GTF2IRD1: variants seen among roughly 807,000 people sequenced by gnomAD.
GTF2IRD1 encodes GTF2I repeat domain containing 1.
GTF2IRD1 carries 26 observed loss-of-function variants against 113.2 expected under a neutral mutation model. The ratio of observed to expected loss-of-function variants is 0.23; its 90% CI spans 0.17 to 0.32. The LOEUF (loss-of-function observed/expected upper bound fraction) is 0.32. GTF2IRD1 is among the 10% of genes least tolerant of loss of function. GTF2IRD1 has a pLI of 1.00. For missense variants in GTF2IRD1, 864 were observed against 1,280.8 expected, an observed-to-expected ratio of 0.67 and a Z score of 4.97; for synonymous variants, 484 against 529.1, an observed-to-expected ratio of 0.91 and a Z score of 1.17.
At chr7:74,521,611 A>AAATT (rs1232334708) in intron 7 of GTF2IRD1, among the ~76,000 whole-genome samples, 1 of 152,004 alleles carries the variant, frequency 6.6e-6, no homozygotes, top group Non-Finnish European at 1.5e-5. Context: ...AAAATAAGAA[A>AAATT]AATTAGTGGA....
Position 74,512,779 on chromosome 7 carries a change from T to A in GTF2IRD1, c.124-51T>A. The stretch of plus-strand genomic sequence containing the variant: ...CCACCCCCGAAGTGGATACTAGAGG[T>A]GTTCGGAGTATGGGGAGCCCTTCCG... On this transcript the variant is annotated intron_variant, in intron 2 of 26. Coordinates refer to ENST00000424337, the MANE Select transcript of GTF2IRD1 (RefSeq NM_005685.4). This position sits in a 1 kb window ranked among gnomAD's most constrained non-coding sequence, Gnocchi z 4.4. The A allele has an allele frequency of 6.3e-7, 1 of 1,583,046 alleles. No homozygotes were observed. Among genetic ancestry groups the A allele is most frequent in the Non-Finnish European group, 8.6e-7 (1 of 1,159,350 alleles).
intron 26 of GTF2IRD1, 113 bp downstream of exon 26, chr7:74,601,293 T>C: frequency 6.5e-7 from 1 of 1,547,204 alleles, no homozygotes; most frequent in Non-Finnish European, 8.7e-7. Flanking sequence ...GGCACTGGGC[T>C]TTGAGTGGGG....
At chr7:74,532,052 T>C (rs1797990833) in intron 9 of GTF2IRD1, among the ~76,000 whole-genome samples, 1 of 152,176 alleles carries the variant, frequency 6.6e-6, no homozygotes, top group Non-Finnish European at 1.5e-5. Flanking sequence ...AACTCAGAAC[T>C]GTGCTTAGAG....
At position 74,579,385 on chromosome 7, in the gene GTF2IRD1, A is replaced by C. The variant is rs1171562217; in HGVS notation, c.2321-10466A>C. ...GTAATCCCAGCACTTTGGGAGACCGAGGCAGGCGGATCACCTGAGGTCAGG... is the reference window on the plus strand; with the variant it reads ...GTAATCCCAGCACTTTGGGAGACCGCGGCAGGCGGATCACCTGAGGTCAGG... On this transcript the variant is annotated intron_variant, in intron 22 of 26. Coordinates refer to ENST00000424337, the MANE Select transcript of GTF2IRD1 (RefSeq NM_005685.4). Among the ~76,000 whole-genome samples the C allele has an allele frequency of 3.3e-5, 5 of 152,168 alleles. No homozygotes were observed. In the East Asian group the frequency reaches 9.6e-4, roughly 29 times the overall value.
rs138769151 is a variant in GTF2IRD1, at chr7:74,517,025, G to GTTGT, written c.422-1112_422-1109dup. ...CTTTGTTGTTGTTGTTGTTGTTGTT[G>GTTGT]TTGTTGTTGTTGTTTTGAGATGAAG... On this transcript the variant is annotated intron_variant, in intron 4 of 26. Transcript: ENST00000424337. Among the ~76,000 whole-genome samples, 240 of 150,716 alleles carry GTTGT rather than the reference G, an allele frequency of 1.6e-3. 1 individual carries two copies. Among genetic ancestry groups the GTTGT allele is most frequent in the Non-Finnish European group, 2.4e-3 (164 of 67,626 alleles).
intron 22 of GTF2IRD1, among the ~76,000 whole-genome samples, chr7:74,584,587 T>A (rs1453427385): frequency 6.6e-6 from 1 of 152,176 alleles, no homozygotes; most frequent in Non-Finnish European, 1.5e-5. Context: ...GAGCAATGAT[T>A]TCTATTCTTA....
chr7:74,478,519 G>A (rs1238537356), intron 1 of GTF2IRD1, among the ~76,000 whole-genome samples: 3 of 152,118 alleles, frequency 2.0e-5, no homozygotes, highest in Admixed American at 2.0e-4. Context: ...GCAGTGGTGC[G>A]ATCATAGCTC....
intron 1 of GTF2IRD1, among the ~76,000 whole-genome samples, chr7:74,502,584 A>G (rs1020022242): frequency 2.0e-5 from 3 of 152,242 alleles, no homozygotes; most frequent in Admixed American, 6.5e-5. Context: ...CCGGACTTCT[A>G]TGGGGGTCCC....
chr7:74,485,947 A>G (rs1794998783), intron 1 of GTF2IRD1, among the ~76,000 whole-genome samples: 1 of 151,800 alleles, frequency 6.6e-6, no homozygotes, highest in African/African-American at 2.4e-5. Flanking sequence ...AAGAAGAAAG[A>G]AAAGAAAATG....
chr7:74,601,549 G>A (rs1339096789), intron 26 of GTF2IRD1: 3 of 1,205,348 alleles, frequency 2.5e-6, no homozygotes, highest in Non-Finnish European at 3.3e-6. Context: ...AAGTCGGGTG[G>A]ATCACCTGAG....
intron 22 of GTF2IRD1, among the ~76,000 whole-genome samples, chr7:74,562,708 T>C (rs1292062967): frequency 3.3e-5 from 5 of 151,842 alleles, no homozygotes; most frequent in Non-Finnish European, 7.4e-5. Context: ...GCTGAGATTA[T>C]AGGCGTGTGC....
intron 1 of GTF2IRD1, among the ~76,000 whole-genome samples, chr7:74,456,856 G>T (rs1793012557): frequency 6.6e-6 from 1 of 152,004 alleles, no homozygotes; most frequent in Non-Finnish European, 1.5e-5. Context: ...AGGGTAGGGG[G>T]TCAGGATTAT....
At chr7:74,554,693 C>G (rs1448848567) in intron 17 of GTF2IRD1, among the ~76,000 whole-genome samples, 1 of 152,132 alleles carries the variant, frequency 6.6e-6, no homozygotes, top group Non-Finnish European at 1.5e-5. Flanking sequence ...CACCTGCCAC[C>G]ACACCTGGCT....
Position 74,555,357 on chromosome 7 carries a change from T to C in GTF2IRD1, c.1967-81T>C, listed in dbSNP as rs1799529665. On this transcript the variant is annotated intron_variant, in intron 18 of 26. Coordinates refer to ENST00000424337, the MANE Select transcript of GTF2IRD1 (RefSeq NM_005685.4). The surrounding 1 kb of genome is among the most constrained non-coding windows in gnomAD (Gnocchi z 5.3). Reference sequence around the variant, plus strand: ...CTGGCATTCTCCCCACACCCCCACATTGGGTTTCCCCTAACGATGCCATCT... The same window carrying C: ...CTGGCATTCTCCCCACACCCCCACACTGGGTTTCCCCTAACGATGCCATCT... 6.7e-7 allele frequency: 1 copy of C among 1,499,902 alleles called. No individual in the cohort carries two copies. The highest frequency in any genetic ancestry group is 9.3e-7 in the Non-Finnish European group (1 of 1,076,492). 92.9% of individuals were successfully genotyped at this position (1,499,902 alleles called of 1,614,324 possible).
Position 74,509,095 on chromosome 7 carries a change from G to A in GTF2IRD1, c.123+892G>A, listed in dbSNP as rs1440442888. On this transcript the variant is annotated intron_variant, in intron 2 of 26. Transcript: ENST00000424337. ...AATCTGGCCCAGCACGGTGGCTCAC[G>A]CAAGTAATCCCAGCACTTTTAGGGG... Among the ~76,000 whole-genome samples, 4 of 152,052 alleles carry A rather than the reference G, an allele frequency of 2.6e-5. No individual in the cohort carries two copies. The South Asian group carries it at 6.2e-4, about 24-fold the overall frequency.
intron 1 of GTF2IRD1, among the ~76,000 whole-genome samples, chr7:74,454,477 G>C (rs916251669): frequency 6.6e-6 from 1 of 152,094 alleles, no homozygotes; most frequent in Non-Finnish European, 1.5e-5. Flanking sequence ...GGCGTCCCGG[G>C]CCGGCGCCCG....
chr7:74,584,458 A>G (rs782236316), intron 22 of GTF2IRD1, among the ~76,000 whole-genome samples: 6 of 152,180 alleles, frequency 3.9e-5, no homozygotes, highest in Admixed American at 6.5e-5. Flanking sequence ...ATAAAAAAAT[A>G]AAGGGGGAAG....
chr7:74,470,741 G>T (rs1293190524), intron 1 of GTF2IRD1, among the ~76,000 whole-genome samples: 1 of 152,084 alleles, frequency 6.6e-6, no homozygotes, highest in South Asian at 2.1e-4. Context: ...GAAACCTCAC[G>T]AGCATTGTGC....
intron 7 of GTF2IRD1, among the ~76,000 whole-genome samples, chr7:74,522,326 A>G (rs1554346185): frequency 6.6e-6 from 1 of 151,926 alleles, no homozygotes; most frequent in Non-Finnish European, 1.5e-5. Context: ...CAGTTATACC[A>G]AGAAGGAATG....
Sources: gnomAD v4.1 joint callset for allele counts (sites outside exome capture counted in the v4.1 genomes callset) on GRCh38, gnomAD v4.1.1 for gene constraint, Gnocchi (gnomAD v3.1) non-coding constraint, MANE v1.5 for transcripts, NCBI Gene and HGNC (gene_info 2026-07-23, HGNC 2026-07-21) for gene names.